Variants in DLG2 observed in about 807,000 individuals in gnomAD.
DLG2 encodes disks large homolog 2.
A neutral mutation model predicts 132.5 loss-of-function variants in DLG2; 45 were observed. The observed-to-expected ratio is 0.34, with a 90% CI of 0.27 to 0.44. The LOEUF is 0.44. Among genes scored for constraint, DLG2 ranks in the 20% least tolerant of loss-of-function variants. The pLI, the probability that DLG2 is intolerant of heterozygous loss-of-function variation, is 1.00. For synonymous variants in DLG2, 424 were observed against 419.6 expected (o/e 1.01, Z -0.13); for missense variants, 1,045 against 1,196.9 (o/e 0.87, Z 1.87).
chr11:85,598,709 C>G lies in DLG2; in HGVS notation c.-13G>C. ...TAAAGATACCCATCACCTTTTTAAC[C>G]GCATTTTTCAACAGCTGCTCCTCTG... On this transcript the variant is annotated 5_prime_UTR_variant, in exon 3 of 28. Coordinates refer to ENST00000376104, the MANE Select transcript of DLG2 (RefSeq NM_001142699.3). 1 of 1,576,848 alleles carries G rather than the reference C, an allele frequency of 6.3e-7. No individual in the cohort carries two copies. Among genetic ancestry groups the G allele is most frequent in the Non-Finnish European group, 8.6e-7 (1 of 1,163,830 alleles).
intron 8 of DLG2, among the ~76,000 whole-genome samples, chr11:84,197,713 G>C (rs1230863840): frequency 6.6e-6 from 1 of 152,114 alleles, no homozygotes; most frequent in Admixed American, 6.5e-5. Context: ...GCACATTACT[G>C]ACTAAAAAAA....
In DLG2 at chr11:84,873,466, C is replaced by A. The variant is rs893080823; in HGVS notation, c.357+238195G>T. ...ATAATAAGTTTGTGTTGTTTTAAAC[C>A]ACTGAGTTGTAATTCATTACATTAG... On this transcript the variant is annotated intron_variant, in intron 6 of 27. Transcript: ENST00000376104. Among the ~76,000 whole-genome samples, 2 of 152,260 alleles carry A rather than the reference C, an allele frequency of 1.3e-5. 1 individual carries two copies. Among genetic ancestry groups the A allele is most frequent in the East Asian group, 3.9e-4 (2 of 5,180 alleles).
At chr11:83,889,399 A>C (rs2068964421) in intron 15 of DLG2, among the ~76,000 whole-genome samples, 1 of 152,050 alleles carries the variant, frequency 6.6e-6, no homozygotes, top group African/African-American at 2.4e-5. Context: ...AATCAAAACC[A>C]CAATGAGATA....
chr11:85,459,657 G>T (rs2092541068), intron 3 of DLG2, among the ~76,000 whole-genome samples: 1 of 152,152 alleles, frequency 6.6e-6, no homozygotes, highest in African/African-American at 2.4e-5. Context: ...TGGCTGTAGT[G>T]TGCTGGAGAT....
chr11:83,518,915 G>C (rs1304027459), intron 21 of DLG2, among the ~76,000 whole-genome samples: 1 of 152,126 alleles, frequency 6.6e-6, no homozygotes, highest in Non-Finnish European at 1.5e-5. Context: ...GTGTGGGAGG[G>C]GGCTGGACTG....
At chr11:83,724,831 C>T (rs1480078455) in intron 18 of DLG2, 2 of 702,244 alleles carry the variant, frequency 2.8e-6, no homozygotes, top group African/African-American at 1.7e-5. Context: ...AGAAATGGGT[C>T]TGAGAAAAGC....
At chr11:83,971,203 C>T (rs1310280391) in intron 12 of DLG2, among the ~76,000 whole-genome samples, 1 of 151,894 alleles carries the variant, frequency 6.6e-6, no homozygotes, top group Non-Finnish European at 1.5e-5. Context: ...GGAAAAAAAT[C>T]ATGTGAATTT....
At chr11:85,504,180 G>A (rs560503648) in intron 3 of DLG2, among the ~76,000 whole-genome samples, 2 of 152,062 alleles carry the variant, frequency 1.3e-5, no homozygotes, top group South Asian at 2.1e-4. Context: ...CACTCTGATG[G>A]TAGTTTCTTT....
At chr11:84,519,763 T>C (rs1023997565) in intron 7 of DLG2, among the ~76,000 whole-genome samples, 2 of 152,060 alleles carry the variant, frequency 1.3e-5, no homozygotes, top group Admixed American at 6.6e-5. Flanking sequence ...GACAGAAAAA[T>C]AGGAATCATA....
At chr11:84,980,634 AT>A (rs1438490827) in intron 6 of DLG2, among the ~76,000 whole-genome samples, 2 of 152,138 alleles carry the variant, frequency 1.3e-5, no homozygotes, top group Non-Finnish European at 2.9e-5. Context: ...GCACCAAAAC[AT>A]TATAGGTAAA....
At chr11:83,527,539 T>C (rs1331872518) in intron 21 of DLG2, among the ~76,000 whole-genome samples, 1 of 148,894 alleles carries the variant, frequency 6.7e-6, no homozygotes, top group Non-Finnish European at 1.5e-5. Context: ...AGAGAGACCT[T>C]GTCTCTACAA....
intron 15 of DLG2, among the ~76,000 whole-genome samples, chr11:83,909,403 C>T (rs1244432884): frequency 1.3e-5 from 2 of 152,114 alleles, no homozygotes; most frequent in East Asian, 1.9e-4. Context: ...TATAATAATT[C>T]GTGGCAGTAA....
intron 6 of DLG2, among the ~76,000 whole-genome samples, chr11:84,803,877 G>A (rs2075703213): frequency 6.6e-6 from 1 of 152,132 alleles, no homozygotes; most frequent in Non-Finnish European, 1.5e-5. Context: ...AGAGACCTAG[G>A]CTATCCTGTT....
intron 6 of DLG2, among the ~76,000 whole-genome samples, chr11:85,074,473 T>A (rs1262357498): frequency 6.6e-6 from 1 of 151,838 alleles, no homozygotes; most frequent in African/African-American, 2.4e-5. Context: ...GATGAGATAA[T>A]TATCTACTTT....
intron 6 of DLG2, among the ~76,000 whole-genome samples, chr11:84,837,828 T>C (rs894346601): frequency 2.0e-5 from 3 of 151,792 alleles, no homozygotes; most frequent in Non-Finnish European, 2.9e-5. Context: ...CTCTTGCTGA[T>C]GCATATGGAT....
At chr11:84,945,786 C>T (rs901184901) in intron 6 of DLG2, among the ~76,000 whole-genome samples, 6 of 152,062 alleles carry the variant, frequency 3.9e-5, no homozygotes, top group Admixed American at 2.0e-4. Context: ...TAATGTGCAT[C>T]CCACGTCCAC....
At chr11:84,393,753 T>A (rs1477054822) in intron 7 of DLG2, among the ~76,000 whole-genome samples, 1 of 152,194 alleles carries the variant, frequency 6.6e-6, no homozygotes, top group African/African-American at 2.4e-5. Context: ...TTTCCCTTTT[T>A]AAAAGTGGTC....
At chr11:85,478,720 G>A (rs1330414036) in intron 3 of DLG2, among the ~76,000 whole-genome samples, 1 of 152,126 alleles carries the variant, frequency 6.6e-6, no homozygotes, top group Non-Finnish European at 1.5e-5. Flanking sequence ...TGTTATGATG[G>A]TGGTTCTACC....
chr11:83,812,894 C>A (rs2047728917), intron 17 of DLG2, among the ~76,000 whole-genome samples: 1 of 152,146 alleles, frequency 6.6e-6, no homozygotes, highest in African/African-American at 2.4e-5. Flanking sequence ...AAGGCCAATG[C>A]CCATTCCTCT....
Sources: gnomAD v4.1 joint callset for allele counts (sites outside exome capture counted in the v4.1 genomes callset) on GRCh38, gnomAD v4.1.1 for gene constraint, MANE v1.5 for transcripts, NCBI Gene and HGNC (gene_info 2026-07-23, HGNC 2026-07-21) for gene names.